The following PRKCE variants were observed in gnomAD, a reference collection of about 807,000 sequenced individuals.
PRKCE encodes the protein protein kinase C epsilon type.
A neutral mutation model predicts 85.4 loss-of-function variants in PRKCE; 16 were observed. The observed-to-expected ratio is 0.19, with a 90% CI of 0.13 to 0.28. The LOEUF (loss-of-function observed/expected upper bound fraction) is 0.28, where lower values mean the gene tolerates loss of function less well. PRKCE is among the 10% of genes least tolerant of loss of function. The pLI, the probability that PRKCE is intolerant of heterozygous loss-of-function variation, is 1.00. For synonymous variants in PRKCE, 388 were observed against 371.5 expected (o/e 1.04, Z -0.51); for missense variants, 573 against 975.2 (o/e 0.59, Z 5.49).
intron 11 of PRKCE, among the ~76,000 whole-genome samples, chr2:46,124,406 G>A (rs550552941): frequency 2.0e-5 from 3 of 152,184 alleles, no homozygotes; most frequent in East Asian, 3.9e-4. Context: ...GCTGCCTTCC[G>A]AGATGTAATA....
At chr2:46,085,199 AG>A (rs1669476557) in intron 10 of PRKCE, among the ~76,000 whole-genome samples, 1 of 152,106 alleles carries the variant, frequency 6.6e-6, no homozygotes, top group Non-Finnish European at 1.5e-5. Context: ...TGCAGGTAAG[AG>A]GGGGCCACCT....
intron 2 of PRKCE, among the ~76,000 whole-genome samples, chr2:45,889,235 G>T (rs913447655): frequency 2.8e-4 from 42 of 152,178 alleles, no homozygotes; most frequent in African/African-American, 9.9e-4. Flanking sequence ...GCTGACAGCT[G>T]CAGTGGTACC....
rs568831934 is a variant in PRKCE at position 46,061,277 on chromosome 2, TTTTTGTA to T, written c.1438-24928_1438-24922del. On this transcript the variant is annotated intron_variant, in intron 10 of 14. Coordinates refer to ENST00000306156, the MANE Select transcript of PRKCE (RefSeq NM_005400.3). ...GGTGTGCCCCACCATGCCCAGCTAA[TTTTTGTA>T]TTCTTTATAGAGATGGGGTTTTACC... Among the ~76,000 whole-genome samples, 18 of 152,020 alleles carry T rather than the reference TTTTTGTA, an allele frequency of 1.2e-4. 1 individual carries two copies. The South Asian group carries it at 3.7e-3, about 32-fold the overall frequency.
At chr2:46,086,153 T>C in intron 10 of PRKCE, 55 bp from the exon 11 acceptor site, 1 of 1,564,138 alleles carries the variant, frequency 6.4e-7, no homozygotes, top group Non-Finnish European at 8.7e-7. Flanking sequence ...TAAGCTGGCC[T>C]GTGTGGGCAG....
intron 2 of PRKCE, among the ~76,000 whole-genome samples, chr2:45,844,826 G>A (rs1197853309): frequency 6.6e-6 from 1 of 152,186 alleles, no homozygotes; most frequent in Non-Finnish European, 1.5e-5. Flanking sequence ...AGAGGGAAAG[G>A]AGATGGACAA....
intron 10 of PRKCE, among the ~76,000 whole-genome samples, chr2:46,070,653 C>A (rs1163621005): frequency 2.1e-5 from 3 of 143,014 alleles, no homozygotes; most frequent in Non-Finnish European, 3.1e-5. Context: ...AAAAAAAAAA[C>A]AAAAACAAAA....
intron 1 of PRKCE, among the ~76,000 whole-genome samples, chr2:45,752,853 A>G (rs185810623): frequency 6.6e-6 from 1 of 152,222 alleles, no homozygotes; most frequent in East Asian, 1.9e-4. Context: ...ACTGGGACTT[A>G]GTGGCTTATA....
intron 10 of PRKCE, among the ~76,000 whole-genome samples, chr2:46,016,795 G>A (rs1706192578): frequency 6.6e-6 from 1 of 151,550 alleles, no homozygotes; most frequent in Non-Finnish European, 1.5e-5. Context: ...TGTAATCCCA[G>A]CTACTCAGGA....
At chr2:46,141,814 G>C (rs1355731346) in intron 11 of PRKCE, among the ~76,000 whole-genome samples, 2 of 152,126 alleles carry the variant, frequency 1.3e-5, no homozygotes, top group African/African-American at 4.8e-5. Flanking sequence ...AAAGCCGTCA[G>C]TCTCCAGCAA....
chr2:45,674,279 G>A (rs1254375189), intron 1 of PRKCE, among the ~76,000 whole-genome samples: 1 of 152,148 alleles, frequency 6.6e-6, no homozygotes, highest in Non-Finnish European at 1.5e-5. Flanking sequence ...TTTACACTGA[G>A]GTAGATGGCC....
At chr2:46,014,759 A>C (rs72876133) in intron 10 of PRKCE, among the ~76,000 whole-genome samples, 195 of 152,318 alleles carry the variant, frequency 1.3e-3, no homozygotes, top group African/African-American at 4.6e-3. Flanking sequence ...ACATGCAAGG[A>C]GGCAGTCAGG....
chr2:45,859,682 A>T (rs1440628646), intron 2 of PRKCE, among the ~76,000 whole-genome samples: 1 of 152,172 alleles, frequency 6.6e-6, no homozygotes, highest in Non-Finnish European at 1.5e-5. Flanking sequence ...GCAGTCATGT[A>T]TTGCAATATC....
intron 11 of PRKCE, among the ~76,000 whole-genome samples, chr2:46,130,387 A>T (rs572966560): frequency 1.3e-5 from 2 of 152,030 alleles, no homozygotes; most frequent in East Asian, 3.9e-4. Context: ...ATACTTTGTT[A>T]TATATAAGTA....
chr2:46,025,969 G>T (rs1260635738), intron 10 of PRKCE, among the ~76,000 whole-genome samples: 2 of 152,160 alleles, frequency 1.3e-5, no homozygotes, highest in African/African-American at 2.4e-5. Flanking sequence ...TCAGTACCTG[G>T]TAGACGCCAT....
At chr2:46,126,871 G>T (rs1044122140) in intron 11 of PRKCE, among the ~76,000 whole-genome samples, 2 of 152,186 alleles carry the variant, frequency 1.3e-5, no homozygotes, top group Admixed American at 1.3e-4. Context: ...AGCATGAGAT[G>T]AGGAAAGGCT....
At chr2:46,032,179 T>C (rs1707569376) in intron 10 of PRKCE, among the ~76,000 whole-genome samples, 1 of 152,054 alleles carries the variant, frequency 6.6e-6, no homozygotes. Flanking sequence ...AAGTCCTTTG[T>C]CCATGATCTT....
chr2:46,052,151 CCTT>C (rs978948919), intron 10 of PRKCE, among the ~76,000 whole-genome samples: 46 of 152,270 alleles, frequency 3.0e-4, no homozygotes, highest in African/African-American at 1.1e-3. Flanking sequence ...CAACACAGTC[CCTT>C]CTTCCTTCCA....
chr2:45,694,597 G>A (rs921196710), intron 1 of PRKCE, among the ~76,000 whole-genome samples: 1 of 152,224 alleles, frequency 6.6e-6, no homozygotes, highest in South Asian at 2.1e-4. Flanking sequence ...TGAATGAGTT[G>A]TGTGGTTGAG....
At chr2:46,108,268 A>G (rs1237706644) in intron 11 of PRKCE, among the ~76,000 whole-genome samples, 1 of 152,208 alleles carries the variant, frequency 6.6e-6, no homozygotes, top group Non-Finnish European at 1.5e-5. Flanking sequence ...TTTATCAGAT[A>G]AGTGTTTTTC....
Sources: allele counts gnomAD v4.1 joint callset (sites outside exome capture counted in the v4.1 genomes callset), GRCh38; gene constraint gnomAD v4.1.1; transcripts MANE v1.5; gene names NCBI Gene and HGNC (gene_info 2026-07-23, HGNC 2026-07-21).